The following COBL variants were observed in gnomAD, a reference collection of about 807,000 sequenced individuals.
The protein encoded by COBL is protein cordon-bleu.
Under a neutral mutation model 98.8 loss-of-function variants are expected in COBL, and 51 were observed. That is an observed-to-expected ratio of 0.52 (90% confidence interval 0.41 to 0.65). The LOEUF (loss-of-function observed/expected upper bound fraction) is 0.65. COBL is among the 30% of genes least tolerant of loss of function. COBL has a pLI of 0.00. For missense variants in COBL, 1,617 were observed against 1,617.5 expected, an observed-to-expected ratio of 1.00 and a Z score of 0.01; for synonymous variants, 634 against 651.7, an observed-to-expected ratio of 0.97 and a Z score of 0.41.
Position 51,110,442 on chromosome 7 carries a change from A to T in COBL, c.958-25138T>A, listed in dbSNP as rs146073218. On this transcript the variant is annotated intron_variant, in intron 6 of 12. Transcript: ENST00000265136. The stretch of plus-strand genomic sequence containing the variant: ...ATGTCGCTGTAAATGACAGGATTTC[A>T]TTTTTTCCTTTATAGCAGAATAGTA... Among the ~76,000 whole-genome samples the T allele has an allele frequency of 2.3e-3, 349 of 152,188 alleles. 1 individual carries two copies. The highest frequency in any genetic ancestry group is 8.1e-3 in the African/African-American group (335 of 41,520).
intron 1 of COBL, among the ~76,000 whole-genome samples, chr7:51,297,936 C>T (rs975785483): frequency 3.3e-5 from 5 of 152,182 alleles, no homozygotes; most frequent in African/African-American, 7.2e-5. Flanking sequence ...CAAAGTATGA[C>T]CACAAATGTT....
At position 51,242,008 on chromosome 7, in the gene COBL, G is replaced by A. The variant is rs138823778; in HGVS notation, c.42-22064C>T. Among the ~76,000 whole-genome samples, 955 of 152,228 alleles carry A rather than the reference G, an allele frequency of 6.3e-3. 13 individuals carry two copies. The highest frequency in any genetic ancestry group is 0.022 in the African/African-American group (900 of 41,534). On this transcript the variant is annotated intron_variant, in intron 1 of 12. Transcript: ENST00000265136. Reference sequence around the variant, plus strand: ...ACCAGAGGCTACTCCCCTTTCCTGCGTACAGATGAAAAACTGAAAGCACCT... The same window carrying A: ...ACCAGAGGCTACTCCCCTTTCCTGCATACAGATGAAAAACTGAAAGCACCT...
At chr7:51,297,317 G>C (rs1185843401) in intron 1 of COBL, among the ~76,000 whole-genome samples, 3 of 151,732 alleles carry the variant, frequency 2.0e-5, no homozygotes, top group African/African-American at 7.3e-5. Flanking sequence ...TGTGGCATGT[G>C]ATCACCTTTC....
intron 7 of COBL, among the ~76,000 whole-genome samples, chr7:51,077,284 T>C (rs1793183977): frequency 6.6e-6 from 1 of 152,180 alleles, no homozygotes; most frequent in South Asian, 2.1e-4. Context: ...CTTAAAACCA[T>C]GCTGGGAAAC....
chr7:51,130,063 C>T (rs756298887), intron 6 of COBL, among the ~76,000 whole-genome samples: 1 of 152,146 alleles, frequency 6.6e-6, no homozygotes, highest in Non-Finnish European at 1.5e-5. Flanking sequence ...CAAAGGAAAA[C>T]AGGCAGGATT....
intron 4 of COBL, among the ~76,000 whole-genome samples, chr7:51,189,791 G>C (rs1427576922): frequency 6.6e-6 from 1 of 152,204 alleles, no homozygotes; most frequent in Non-Finnish European, 1.5e-5. Context: ...GACATCAAAT[G>C]AGGCTTATTA....
chr7:51,155,589 C>CAAAAAAA lies in COBL; in HGVS notation c.784-19265_784-19259dup, dbSNP rs58500324. Among the ~76,000 whole-genome samples, 20 of 30,796 alleles carry CAAAAAAA rather than the reference C, an allele frequency of 6.5e-4. 1 individual carries two copies. The highest frequency in any genetic ancestry group is 3.0e-3 in the East Asian group (2 of 662). The allele number at this position is 30,796 out of a possible 152,430, so 20.2% of individuals were successfully genotyped here. A position where few individuals can be genotyped will look rare whatever the true frequency, so the allele number is the denominator to read the frequency against. ...TAGGTGACAGAGCAAGACTCCATCT[C>CAAAAAAA]AAAAAAAAAAAAAAAAAAAAAAAAA... On this transcript the variant is annotated intron_variant, in intron 5 of 12. Transcript: ENST00000265136.
chr7:51,094,310 C>A (rs1210408921), intron 6 of COBL, among the ~76,000 whole-genome samples: 1 of 151,878 alleles, frequency 6.6e-6, no homozygotes, highest in Admixed American at 6.6e-5. Flanking sequence ...CAGTGCCCTG[C>A]ATGGTGACCA....
At chr7:51,201,239 C>CAA (rs1157303332) in intron 2 of COBL, among the ~76,000 whole-genome samples, 3 of 57,790 alleles carry the variant, frequency 5.2e-5, no homozygotes, top group Middle Eastern at 9.1e-3. Context: ...GACTCCGTCT[C>CAA]AAAAAAAAAA....
chr7:51,106,911 CAG>C (rs1796333436), intron 6 of COBL, among the ~76,000 whole-genome samples: 1 of 151,926 alleles, frequency 6.6e-6, no homozygotes, highest in Non-Finnish European at 1.5e-5. Context: ...TGCCCTGAAA[CAG>C]AATACTAATG....
chr7:51,281,777 T>C (rs1301621263), intron 1 of COBL, among the ~76,000 whole-genome samples: 1 of 152,150 alleles, frequency 6.6e-6, no homozygotes. Context: ...TCTAGAATAA[T>C]TGTTAAAGTA....
rs551768231 is a variant in COBL at position 51,098,224 on chromosome 7, C to CTTTTTTTTTTTTTTTTTTTTTTTTTT, written c.958-12921_958-12920insAAAAAAAAAAAAAAAAAAAAAAAAAA. On this transcript the variant is annotated intron_variant, in intron 6 of 12. Transcript: ENST00000265136. ...ACTACCAAAATCCCAATAGCAGTTT[C>CTTTTTTTTTTTTTTTTTTTTTTTTTT]TTTTTTTTTTTTGGAGAAATAGGAA... Among the ~76,000 whole-genome samples the CTTTTTTTTTTTTTTTTTTTTTTTTTT allele has an allele frequency of 4.5e-3, 457 of 100,772 alleles. 96 individuals are homozygous for CTTTTTTTTTTTTTTTTTTTTTTTTTT. Among genetic ancestry groups the CTTTTTTTTTTTTTTTTTTTTTTTTTT allele is most frequent in the African/African-American group, 0.015 (345 of 22,294 alleles). 66.1% of individuals were successfully genotyped at this position (100,772 alleles called of 152,430 possible). A position where few individuals can be genotyped will look rare whatever the true frequency, so the allele number is the denominator to read the frequency against.
chr7:51,132,894 C>T (rs972446437), intron 6 of COBL, among the ~76,000 whole-genome samples: 8 of 152,138 alleles, frequency 5.3e-5, no homozygotes, highest in Admixed American at 3.9e-4. Flanking sequence ...ACTCACTCAT[C>T]CCCATGGGGA....
chr7:51,192,374 G>A (rs1467160262), intron 3 of COBL, among the ~76,000 whole-genome samples: 1 of 152,208 alleles, frequency 6.6e-6, no homozygotes, highest in Non-Finnish European at 1.5e-5. Flanking sequence ...TTGGGAGGCT[G>A]AGGTGGGTGG....
At chr7:51,149,170 G>A (rs1203193613) in intron 5 of COBL, among the ~76,000 whole-genome samples, 2 of 152,188 alleles carry the variant, frequency 1.3e-5, no homozygotes, top group Non-Finnish European at 1.5e-5. Flanking sequence ...AATGTGAAGT[G>A]CAAGTGTCTG....
intron 1 of COBL, among the ~76,000 whole-genome samples, chr7:51,315,072 A>C (rs1483083313): frequency 6.6e-6 from 1 of 152,226 alleles, no homozygotes; most frequent in African/African-American, 2.4e-5. Context: ...TGACAAAATA[A>C]TTCAGTGTCC....
chr7:51,311,553 T>C (rs1354493339), intron 1 of COBL, among the ~76,000 whole-genome samples: 3 of 152,196 alleles, frequency 2.0e-5, no homozygotes, highest in Non-Finnish European at 4.4e-5. Context: ...AAAGTTTTAA[T>C]TCTATTCCAG....
At chr7:51,202,234 G>A (rs1163386672) in intron 2 of COBL, among the ~76,000 whole-genome samples, 1 of 152,130 alleles carries the variant, frequency 6.6e-6, no homozygotes, top group Non-Finnish European at 1.5e-5. Context: ...GTACACTGAG[G>A]TTGCTAAGAT....
intron 2 of COBL, among the ~76,000 whole-genome samples, chr7:51,196,672 G>A (rs1375811441): frequency 6.6e-6 from 1 of 151,502 alleles, no homozygotes; most frequent in African/African-American, 2.4e-5. Flanking sequence ...TTTTTGGTTG[G>A]TAGGCTATTT....
Sources: allele counts gnomAD v4.1 joint callset (sites outside exome capture counted in the v4.1 genomes callset), GRCh38; gene constraint gnomAD v4.1.1; transcripts MANE v1.5; gene names NCBI Gene and HGNC (gene_info 2026-07-23, HGNC 2026-07-21).